Variants in ZNF253 observed in about 807,000 individuals in gnomAD.
ZNF253 encodes the protein zinc finger protein 253, also known as DNA-binding protein.
Under a neutral mutation model 11.9 loss-of-function variants are expected in ZNF253, and 8 were observed. The ratio of observed to expected loss-of-function variants is 0.67; its 90% CI spans 0.40 to 1.22. The LOEUF (loss-of-function observed/expected upper bound fraction) is 1.22. Among genes scored for constraint, ZNF253 ranks in the 50% most tolerant of loss-of-function variants. The pLI is 0.01. For synonymous variants in ZNF253, 194 were observed against 194.9 expected (o/e 1.00, Z 0.04); for missense variants, 485 against 586.9 (o/e 0.83, Z 1.79).
chr19:19,881,802 A>G (rs1269353983), intron 3 of ZNF253, among the ~76,000 whole-genome samples: 2 of 152,096 alleles, frequency 1.3e-5, no homozygotes, highest in Non-Finnish European at 2.9e-5. Context: ...ATCTACAGAC[A>G]GCAACTTTTT....
chr19:19,887,499 A>C (rs904601905), intron 3 of ZNF253, among the ~76,000 whole-genome samples: 6 of 152,120 alleles, frequency 3.9e-5, no homozygotes, highest in Admixed American at 3.3e-4. Context: ...GGGTTCCACC[A>C]TGATGGCCGG....
rs766065747 is a variant in ZNF253, at chr19:19,866,028, AG to A, written c.3+33del. ...AGTGCCGGGTCCAACGTCCCGAGAG[AG>A]GGGAGAGGCTGTTTGGAACGGTGGG... On this transcript the variant is annotated intron_variant, in intron 1 of 3. Coordinates refer to ENST00000589717, the MANE Select transcript of ZNF253 (RefSeq NM_021047.3). The A allele has an allele frequency of 5.6e-6, 9 of 1,613,942 alleles. No individual in the cohort carries two copies. The South Asian group carries it at 9.9e-5, about 18-fold the overall frequency.
Position 19,880,706 on chromosome 19 carries a change from C to CA in ZNF253, c.226+574dup, listed in dbSNP as rs555124619. On this transcript the variant is annotated intron_variant, in intron 3 of 3. Coordinates refer to ENST00000589717, the MANE Select transcript of ZNF253 (RefSeq NM_021047.3). The stretch of plus-strand genomic sequence containing the variant: ...GGCAACAGAGCGAGACTCCATCTCA[C>CA]AAAAAAAAAAAAAAGAGAGAATGAG... 5.3e-3 allele frequency among the ~76,000 whole-genome samples: 623 copies of CA among 118,522 alleles called. 4 individuals carry two copies. Among genetic ancestry groups the CA allele is most frequent in the South Asian group, 0.017 (65 of 3,820 alleles). 77.8% of individuals were successfully genotyped at this position (118,522 alleles called of 152,430 possible).
chr19:19,893,129 C>T lies in ZNF253; in HGVS notation c.*382C>T, dbSNP rs552644764. On this transcript the variant is annotated 3_prime_UTR_variant, in exon 4 of 4. Transcript: ENST00000589717. ...AGTAGCTGGGATTACAGGTGCCCAA[C>T]ACCACGCCTGGCTAATTTTTGGATT... The T allele has an allele frequency of 5.6e-6, 1 of 178,110 alleles. No individual in the cohort carries two copies. The highest frequency in any genetic ancestry group is 1.6e-4 in the East Asian group (1 of 6,152). 11.0% of individuals were successfully genotyped at this position (178,110 alleles called of 1,614,324 possible).
At chr19:19,881,980 G>A (rs2063179823) in intron 3 of ZNF253, among the ~76,000 whole-genome samples, 1 of 152,074 alleles carries the variant, frequency 6.6e-6, no homozygotes, top group Non-Finnish European at 1.5e-5. Flanking sequence ...CCTGAGGTCA[G>A]GAGTTCGAGA....
chr19:19,878,381 A>G, intron 1 of ZNF253, 100 bp from the exon 2 acceptor site: 1 of 1,590,596 alleles, frequency 6.3e-7, no homozygotes, highest in Non-Finnish European at 8.6e-7. Context: ...CAGTCCTTTG[A>G]GTCAGAACCA....
intron 1 of ZNF253, among the ~76,000 whole-genome samples, chr19:19,872,561 C>CTAGATATATATATATATATATATA (rs2063137758): frequency 8.2e-6 from 1 of 121,996 alleles, no homozygotes. Context: ...TAAACCATAA[C>CTAGATATATATATATATATATATA]TATATATATA....
chr19:19,879,452 G>C (rs376072730), intron 2 of ZNF253, among the ~76,000 whole-genome samples: 1 of 151,864 alleles, frequency 6.6e-6, no homozygotes, highest in Admixed American at 6.6e-5. Context: ...AATGTTCTGC[G>C]TACATGTTAA....
chr19:19,882,651 T>C (rs2063182622), intron 3 of ZNF253, among the ~76,000 whole-genome samples: 1 of 152,182 alleles, frequency 6.6e-6, no homozygotes, highest in Non-Finnish European at 1.5e-5. Context: ...ATTCTGTTTG[T>C]ACACTTTAAG....
rs897425753 is a variant in ZNF253, at chr19:19,871,134, C to G, written c.3+5135C>G. ...ACAGTGAGAACTTTTGGAGCTATCTCTATCTGGACTCATGCTGGAAATTCA... is the reference window on the plus strand; with the variant it reads ...ACAGTGAGAACTTTTGGAGCTATCTGTATCTGGACTCATGCTGGAAATTCA... On this transcript the variant is annotated intron_variant, in intron 1 of 3. Transcript: ENST00000589717. The G allele has an allele frequency of 2.6e-5, 4 of 152,292 alleles. No individual in the cohort carries two copies. In the East Asian group the frequency reaches 7.7e-4, roughly 29 times the overall value. The allele number at this position is 152,292 out of a possible 1,614,324, so 9.4% of individuals were successfully genotyped here. A position where few individuals can be genotyped will look rare whatever the true frequency, so the allele number is the denominator to read the frequency against.
chr19:19,878,458 A>T (rs1568496283), intron 1 of ZNF253, 23 bp from the exon 2 acceptor site: 1 of 1,597,714 alleles, frequency 6.3e-7, no homozygotes, highest in Non-Finnish European at 8.6e-7. Context: ...TTTAGTAATT[A>T]TGTGTGTGTG....
chr19:19,891,487 T>C lies in ZNF253; in HGVS notation c.240T>C (p.His80=), dbSNP rs749935715. 3.8e-6 allele frequency: 6 copies of C among 1,586,696 alleles called. No individual in the cohort carries two copies. Among genetic ancestry groups the C allele is most frequent in the Non-Finnish European group, 5.1e-6 (6 of 1,168,854 alleles). Residue 80 remains histidine, a synonymous_variant, in exon 4 of 4, where the codon CAT becomes CAC. Transcript: ENST00000589717. ...TGTTTCTTTTAGTTATGAGTTCTCA[T>C]TTTGCCCAAGACCTTTGGCCAGAGA... The part of the protein sequence containing the change: ...MIAKPPVMSS[H]FAQDLWPENI...
At chr19:19,872,587 A>ATATATATATTAT (rs1555777042) in intron 1 of ZNF253, among the ~76,000 whole-genome samples, 27 of 130,688 alleles carry the variant, frequency 2.1e-4, no homozygotes, top group African/African-American at 9.1e-4. Context: ...ATATTATTAT[A>ATATATATATTAT]TATATATATA....
At position 19,878,468 on chromosome 19, in the gene ZNF253, G is replaced by A. The variant is rs1252446183; in HGVS notation, c.4-13G>A. On this transcript the variant is annotated splice_polypyrimidine_tract_variant and intron_variant, in intron 1 of 3. Coordinates refer to ENST00000589717, the MANE Select transcript of ZNF253 (RefSeq NM_021047.3). ...TGCCATTTAGTAATTATGTGTGTGT[G>A]TGTGTTTTCCAGGGACCATTGCAAT... 2 of 1,613,618 alleles carry A rather than the reference G, an allele frequency of 1.2e-6. No individual in the cohort carries two copies. Among genetic ancestry groups the A allele is most frequent in the African/African-American group, 2.7e-5 (2 of 74,846 alleles).
intron 3 of ZNF253, among the ~76,000 whole-genome samples, chr19:19,885,366 T>TTTCTTC (rs1568499341): frequency 4.2e-5 from 4 of 94,820 alleles, no homozygotes; most frequent in Admixed American, 3.6e-4. Context: ...TCCTTTCTTT[T>TTTCTTC]CTTTCTTTTC....
intron 1 of ZNF253, among the ~76,000 whole-genome samples, chr19:19,874,110 A>G (rs533364994): frequency 4.6e-5 from 7 of 152,210 alleles, no homozygotes; most frequent in African/African-American, 1.4e-4. Context: ...GGGTTTCACC[A>G]TGATGGTCAG....
chr19:19,866,823 G>T (rs1051223006), intron 1 of ZNF253, among the ~76,000 whole-genome samples: 2 of 152,002 alleles, frequency 1.3e-5, no homozygotes, highest in Non-Finnish European at 2.9e-5. Flanking sequence ...CATTGGCCGG[G>T]GTCTGACCTC....
intron 1 of ZNF253, 87 bp downstream of exon 1, chr19:19,866,086 A>C: frequency 6.4e-7 from 1 of 1,566,016 alleles, no homozygotes; most frequent in Non-Finnish European, 8.8e-7. Context: ...GCTTCCTCAC[A>C]GTCAGCTCCA....
intron 1 of ZNF253, among the ~76,000 whole-genome samples, chr19:19,867,044 A>G (rs1003884275): frequency 2.6e-5 from 4 of 152,132 alleles, no homozygotes; most frequent in African/African-American, 4.8e-5. Flanking sequence ...CTTTTCTCCT[A>G]TTAAAAATTT....
Sources: gnomAD v4.1 joint callset for allele counts (sites outside exome capture counted in the v4.1 genomes callset) on GRCh38, gnomAD v4.1.1 for gene constraint, MANE v1.5 for transcripts, NCBI Gene and HGNC (gene_info 2026-07-23, HGNC 2026-07-21) for gene names.